The following MSH3 variants were observed in gnomAD, a reference collection of about 807,000 sequenced individuals.
MSH3 encodes the protein DNA mismatch repair protein Msh3.
MSH3 carries 106 observed loss-of-function variants against 123.3 expected under a neutral mutation model. The observed-to-expected ratio is 0.86, with a 90% CI of 0.73 to 1.01. MSH3 has a LOEUF of 1.01. Among genes scored for constraint, MSH3 ranks in the 50% least tolerant of loss-of-function variants. MSH3 has a pLI of 0.00. For missense variants in MSH3, 1,459 were observed against 1,347.6 expected (o/e 1.08, Z -1.29); for synonymous variants, 515 against 481.4 (o/e 1.07, Z -0.91).
At chr5:80,790,949 T>C (rs1561479734) in intron 18 of MSH3, among the ~76,000 whole-genome samples, 1 of 152,216 alleles carries the variant, frequency 6.6e-6, no homozygotes, top group African/African-American at 2.4e-5. Context: ...GTGAATTTTC[T>C]CAAACTCAAA....
intron 8 of MSH3, among the ~76,000 whole-genome samples, chr5:80,710,436 A>G (rs1018724648): frequency 1.3e-5 from 2 of 152,142 alleles, no homozygotes; most frequent in African/African-American, 4.8e-5. Flanking sequence ...ATTTTATGAA[A>G]TTTCTTTCCC....
At chr5:80,713,454 G>A (rs996702332) in intron 8 of MSH3, among the ~76,000 whole-genome samples, 1 of 152,068 alleles carries the variant, frequency 6.6e-6, no homozygotes, top group East Asian at 1.9e-4. Context: ...CGAGATGACT[G>A]TCTTGTTGTG....
At chr5:80,855,992 C>T (rs1313359039) in intron 21 of MSH3, 1 of 151,506 alleles carries the variant, frequency 6.6e-6, no homozygotes, top group Middle Eastern at 3.4e-3. Flanking sequence ...CCAGGTGATC[C>T]TTCCACTTCG....
At chr5:80,656,645 C>A in intron 2 of MSH3, 114 bp downstream of exon 2, 1 of 1,437,248 alleles carries the variant, frequency 7.0e-7, no homozygotes, top group Non-Finnish European at 9.6e-7. Context: ...GGAGAAAGGT[C>A]CCTTTTGTTC....
intron 20 of MSH3, among the ~76,000 whole-genome samples, chr5:80,852,545 G>A (rs189601533): frequency 2.6e-4 from 40 of 152,288 alleles, no homozygotes; most frequent in African/African-American, 9.4e-4. Context: ...TCAGGGATAT[G>A]AAAGTTTCAT....
intron 8 of MSH3, among the ~76,000 whole-genome samples, chr5:80,683,815 G>C (rs1204524147): frequency 6.6e-6 from 1 of 151,448 alleles, no homozygotes; most frequent in Non-Finnish European, 1.5e-5. Flanking sequence ...ATTTCATAGT[G>C]TGACATTTTA....
intron 12 of MSH3, among the ~76,000 whole-genome samples, chr5:80,758,493 A>G (rs915633400): frequency 1.3e-5 from 2 of 152,178 alleles, no homozygotes; most frequent in African/African-American, 4.8e-5. Context: ...AATAATTGGT[A>G]AATGGCAGAG....
At chr5:80,674,258 C>T (rs1042206288) in intron 6 of MSH3, among the ~76,000 whole-genome samples, 2 of 152,046 alleles carry the variant, frequency 1.3e-5, no homozygotes, top group African/African-American at 4.8e-5. Context: ...CAGACTTTGC[C>T]CCAAATCAGC....
At chr5:80,874,041 A>G (rs1746266738) in intron 23 of MSH3, among the ~76,000 whole-genome samples, 1 of 152,148 alleles carries the variant, frequency 6.6e-6, no homozygotes, top group South Asian at 2.1e-4. Flanking sequence ...GTACATTAGT[A>G]CCCTGGTTGA....
At chr5:80,692,182 A>G (rs1234684159) in intron 8 of MSH3, among the ~76,000 whole-genome samples, 2 of 140,210 alleles carry the variant, frequency 1.4e-5, no homozygotes, top group African/African-American at 5.3e-5. Flanking sequence ...GTTTAGATAG[A>G]TAAACATGTA....
intron 10 of MSH3, among the ~76,000 whole-genome samples, chr5:80,740,210 C>G (rs983717793): frequency 6.6e-6 from 1 of 152,160 alleles, no homozygotes; most frequent in African/African-American, 2.4e-5. Context: ...ATTCTCAAAT[C>G]TTTTTGAAAT....
chr5:80,813,625 G>A lies in MSH3; in HGVS notation c.2697G>A (p.Met899Ile), dbSNP rs1745047109. The change falls in exon 20 of 24, where the codon ATG becomes ATA. Residue 899 changes from methionine (M) to isoleucine (I), a missense_variant. Transcript: ENST00000265081. ...ERVMIITGPN[M>I]GGKSSYIKQV... is the part of the protein sequence containing the mutation. ...TAATGATAATTACCGGACCAAACAT[G>A]GGTGGAAAGAGCTCCTACATAAAAC... 1 of 1,613,996 alleles carries A rather than the reference G, an allele frequency of 6.2e-7. No homozygotes were observed. The highest frequency in any genetic ancestry group is 1.3e-5 in the African/African-American group (1 of 74,908).
At chr5:80,700,300 G>T (rs975511996) in intron 8 of MSH3, among the ~76,000 whole-genome samples, 7 of 152,154 alleles carry the variant, frequency 4.6e-5, no homozygotes, top group African/African-American at 1.7e-4. Context: ...AGAATTGTTC[G>T]AACCTGGGAG....
At position 80,813,718 on chromosome 5, in the gene MSH3, G is replaced by T; in HGVS notation, c.2790G>T (p.Gly930=). The T allele has an allele frequency of 6.2e-7, 1 of 1,614,176 alleles. No individual in the cohort carries two copies. Among genetic ancestry groups the T allele is most frequent in the Non-Finnish European group, 8.5e-7 (1 of 1,180,026 alleles). The change falls in exon 20 of 24, where the codon GGG becomes GGT. Residue 930 remains glycine, a synonymous_variant. Coordinates refer to ENST00000265081, the MANE Select transcript of MSH3 (RefSeq NM_002439.5). The part of the protein sequence containing the change: ...SYVPAEEATI[G]IVDGIFTRMG... ...TTCCTGCAGAAGAAGCGACAATTGG[G>T]ATTGTGGATGGCATTTTCACAAGGT...
At chr5:80,826,265 G>T (rs1447219526) in intron 20 of MSH3, among the ~76,000 whole-genome samples, 2 of 152,158 alleles carry the variant, frequency 1.3e-5, no homozygotes, top group Non-Finnish European at 2.9e-5. Context: ...TGTAATCTTA[G>T]TTTCATGTAA....
At chr5:80,813,353 T>C (rs1285502540) in intron 19 of MSH3, among the ~76,000 whole-genome samples, 4 of 152,246 alleles carry the variant, frequency 2.6e-5, no homozygotes, top group African/African-American at 9.6e-5. Flanking sequence ...AGTTATCCAC[T>C]TCTGGTCTTA....
At chr5:80,813,459 T>C in intron 19 of MSH3, 125 bp from the exon 20 acceptor site, 1 of 993,242 alleles carries the variant, frequency 1.0e-6, no homozygotes, top group Admixed American at 2.0e-5. Flanking sequence ...AGGACCGCTT[T>C]CCTTTTGTGA....
intron 23 of MSH3, among the ~76,000 whole-genome samples, chr5:80,874,716 A>G (rs1180728312): frequency 6.6e-6 from 1 of 152,240 alleles, no homozygotes; most frequent in Non-Finnish European, 1.5e-5. Context: ...TAGCAATAAA[A>G]TATGGCAATT....
chr5:80,790,133 C>T (rs1381198630), intron 18 of MSH3, among the ~76,000 whole-genome samples: 2 of 152,100 alleles, frequency 1.3e-5, no homozygotes, highest in African/African-American at 4.8e-5. Flanking sequence ...TTTACTCTAG[C>T]TTTGGGAAAC....
Sources: gnomAD v4.1 joint callset for allele counts (sites outside exome capture counted in the v4.1 genomes callset) on GRCh38, gnomAD v4.1.1 for gene constraint, MANE v1.5 for transcripts, NCBI Gene and HGNC (gene_info 2026-07-23, HGNC 2026-07-21) for gene names.